INTS15: variants seen among roughly 807,000 people sequenced by gnomAD.
INTS15 encodes the protein integrator complex subunit 15.
the INTS15 span, chr7:6,608,005 C>T: frequency 2.7e-5 from 44 of 1,600,126 alleles, no homozygotes; most frequent in Admixed American, 5.0e-5. Context: ...AGTCGCCTCA[C>T]GCCGCGCTCC....
At chr7:6,603,116 G>A in the INTS15 span, among the ~76,000 whole-genome samples, 2 of 151,820 alleles carry the variant, frequency 1.3e-5, no homozygotes, top group Non-Finnish European at 2.9e-5. Context: ...CGGGCGTGGT[G>A]GTGCGCACCT....
At chr7:6,608,564 C>T in the INTS15 span, 3 of 1,089,318 alleles carry the variant, frequency 2.8e-6, no homozygotes, top group Non-Finnish European at 3.4e-6. Flanking sequence ...CTTCTGCAGC[C>T]CCGTGAGCTG....
At chr7:6,608,076 AC>A in the INTS15 span, 1 of 1,143,484 alleles carries the variant, frequency 8.7e-7, no homozygotes. Flanking sequence ...GTCCCGGCCC[AC>A]CCCGCCGCCC....
the INTS15 span, chr7:6,591,628 C>T: frequency 6.8e-6 from 11 of 1,607,320 alleles, no homozygotes; most frequent in East Asian, 2.2e-5. Flanking sequence ...TAACGCTTTT[C>T]CGGGATTTCT....
the INTS15 span, among the ~76,000 whole-genome samples, chr7:6,598,780 TGTGTGTA>T: frequency 1.4e-3 from 137 of 97,698 alleles, 1 homozygote; most frequent in African/African-American, 6.7e-3. Flanking sequence ...TGTGTGTGTG[TGTGTGTA>T]TTTTTTTTTT....
At chr7:6,597,538 C>A in the INTS15 span, among the ~76,000 whole-genome samples, 1 of 152,062 alleles carries the variant, frequency 6.6e-6, no homozygotes, top group African/African-American at 2.4e-5. Context: ...TAAGTGATCT[C>A]CCTGCCTCAG....
At chr7:6,597,223 G>A in the INTS15 span, among the ~76,000 whole-genome samples, 5 of 152,066 alleles carry the variant, frequency 3.3e-5, no homozygotes, top group African/African-American at 1.2e-4. Flanking sequence ...ACAGGTGGGA[G>A]TGGTATTCAG....
the INTS15 span, chr7:6,608,512 T>G: frequency 8.6e-7 from 1 of 1,161,746 alleles, no homozygotes; most frequent in Non-Finnish European, 1.1e-6. Context: ...CTGGCCTCTT[T>G]CCTCGTGAAG....
the INTS15 span, chr7:6,608,571 G>A: frequency 9.3e-7 from 1 of 1,076,802 alleles, no homozygotes; most frequent in Non-Finnish European, 1.1e-6. Flanking sequence ...AGCCCCGTGA[G>A]CTGAGCCCAG....
chr7:6,608,098 G>GGCC, the INTS15 span: 4 of 1,311,214 alleles, frequency 3.1e-6, no homozygotes, highest in Non-Finnish European at 4.1e-6. Flanking sequence ...ACCCCGCCCT[G>GGCC]CCCACGCATC....
At chr7:6,593,253 C>T in the INTS15 span, among the ~76,000 whole-genome samples, 10 of 151,510 alleles carry the variant, frequency 6.6e-5, no homozygotes, top group Middle Eastern at 3.4e-3. Flanking sequence ...AGTAAGCAAA[C>T]GAATAAGCGC....
chr7:6,592,997 T>C, the INTS15 span, among the ~76,000 whole-genome samples: 1 of 152,310 alleles, frequency 6.6e-6, no homozygotes, highest in East Asian at 1.9e-4. Flanking sequence ...CTCCTGAATC[T>C]CTTCAATGTG....
At chr7:6,601,731 A>T in the INTS15 span, among the ~76,000 whole-genome samples, 2 of 145,592 alleles carry the variant, frequency 1.4e-5, no homozygotes, top group Non-Finnish European at 3.0e-5. Context: ...ATCTCGGCTT[A>T]CTGCAACCTC....
the INTS15 span, chr7:6,607,725 G>C: frequency 1.3e-6 from 2 of 1,511,376 alleles, no homozygotes; most frequent in Non-Finnish European, 1.8e-6. This position sits in a 1 kb window ranked among gnomAD's most constrained non-coding sequence, Gnocchi z 6.0. Flanking sequence ...GGAGTGCTAC[G>C]GCCGGAGCTC....
the INTS15 span, chr7:6,607,618 G>A: frequency 2.0e-5 from 29 of 1,429,888 alleles, no homozygotes; most frequent in Middle Eastern, 7.7e-4. The surrounding 1 kb of genome is among the most constrained non-coding windows in gnomAD (Gnocchi z 6.0). Context: ...GTCATTCTCG[G>A]CTCTGAGGAG....
the INTS15 span, among the ~76,000 whole-genome samples, chr7:6,607,146 G>A: frequency 1.3e-5 from 2 of 152,096 alleles, no homozygotes; most frequent in African/African-American, 2.4e-5. This position sits in a 1 kb window ranked among gnomAD's most constrained non-coding sequence, Gnocchi z 6.0. Context: ...TCCTGGGGAG[G>A]GCGTGGTTAG....
the INTS15 span, chr7:6,599,757 T>G: frequency 6.7e-7 from 1 of 1,484,532 alleles, no homozygotes; most frequent in Non-Finnish European, 9.2e-7. Context: ...GGGGTCAGGC[T>G]TCCCTCTCTC....
chr7:6,593,656 T>G, the INTS15 span, among the ~76,000 whole-genome samples: 2 of 149,952 alleles, frequency 1.3e-5, no homozygotes, highest in Non-Finnish European at 3.0e-5. Context: ...TCTGTTTTTT[T>G]TTTTTTTTTT....
At chr7:6,590,559 C>T in the INTS15 span, 4 of 1,404,804 alleles carry the variant, frequency 2.8e-6, no homozygotes, top group African/African-American at 3.0e-5. Context: ...TGTGTCAAGC[C>T]GCGGGCGCCC....
Sources: allele counts gnomAD v4.1 joint callset (sites outside exome capture counted in the v4.1 genomes callset), GRCh38; gene constraint gnomAD v4.1.1; non-coding constraint Gnocchi (gnomAD v3.1); transcripts MANE v1.5; gene names NCBI Gene and HGNC (gene_info 2026-07-23, HGNC 2026-07-21).